Variants in DACH1 observed in about 807,000 individuals in gnomAD.
The protein encoded by DACH1 is dachshund family transcription factor 1.
DACH1 carries 12 observed loss-of-function variants against 54.2 expected under a neutral mutation model. The ratio of observed to expected loss-of-function variants is 0.22; its 90% CI spans 0.14 to 0.36. The LOEUF (loss-of-function observed/expected upper bound fraction) is 0.36, where lower values mean the gene tolerates loss of function less well. DACH1 is among the 10% of genes least tolerant of loss of function. DACH1 has a pLI of 1.00. For missense variants in DACH1, 805 were observed against 929.8 expected, an observed-to-expected ratio of 0.87 and a Z score of 1.75; for synonymous variants, 386 against 366.2, an observed-to-expected ratio of 1.05 and a Z score of -0.62.
chr13:71,714,354 A>C (rs1269081894), intron 1 of DACH1, among the ~76,000 whole-genome samples: 1 of 152,072 alleles, frequency 6.6e-6, no homozygotes, highest in East Asian at 1.9e-4. Context: ...AAAACAAAAC[A>C]AAACAGGACA....
chr13:71,801,068 GCA>G (rs1203082064), intron 1 of DACH1, among the ~76,000 whole-genome samples: 1 of 113,684 alleles, frequency 8.8e-6, no homozygotes, highest in East Asian at 4.7e-4. Flanking sequence ...TTACAGACAA[GCA>G]CACAGCAGTG....
chr13:71,731,459 A>G (rs1883743725), intron 1 of DACH1, among the ~76,000 whole-genome samples: 1 of 151,898 alleles, frequency 6.6e-6, no homozygotes, highest in South Asian at 2.1e-4. Flanking sequence ...AACGTTTTGT[A>G]TTTTTAATAG....
intron 3 of DACH1, among the ~76,000 whole-genome samples, chr13:71,613,534 T>C (rs952365135): frequency 5.3e-5 from 8 of 152,146 alleles, no homozygotes; most frequent in African/African-American, 1.9e-4. Flanking sequence ...GAAGTCTGGT[T>C]AAGGTTACTG....
At chr13:71,540,721 C>A (rs1387634317) in intron 6 of DACH1, among the ~76,000 whole-genome samples, 1 of 151,922 alleles carries the variant, frequency 6.6e-6, no homozygotes, top group Non-Finnish European at 1.5e-5. Flanking sequence ...ATTACAGCAA[C>A]CTGTAGGTTT....
chr13:71,629,493 A>G (rs1876920800), intron 3 of DACH1, among the ~76,000 whole-genome samples: 1 of 152,108 alleles, frequency 6.6e-6, no homozygotes, highest in Non-Finnish European at 1.5e-5. Context: ...TTTTGTCTAT[A>G]TATTTTACTC....
At chr13:71,531,572 T>C (rs1228914941) in intron 6 of DACH1, among the ~76,000 whole-genome samples, 1 of 151,632 alleles carries the variant, frequency 6.6e-6, no homozygotes, top group East Asian at 1.9e-4. Context: ...GCTTATCAAT[T>C]TTTTTTAATG....
chr13:71,745,370 A>G (rs1484178584), intron 1 of DACH1, among the ~76,000 whole-genome samples: 1 of 152,242 alleles, frequency 6.6e-6, no homozygotes, highest in Non-Finnish European at 1.5e-5. Flanking sequence ...TCCAAACTTT[A>G]GTATGCATGT....
chr13:71,570,869 A>G (rs1885152103), intron 4 of DACH1, among the ~76,000 whole-genome samples: 1 of 152,176 alleles, frequency 6.6e-6, no homozygotes, highest in Admixed American at 6.5e-5. Context: ...ACAACCAAGT[A>G]TGTATTAAAA....
At chr13:71,833,940 A>G (rs1888683848) in intron 1 of DACH1, among the ~76,000 whole-genome samples, 1 of 152,004 alleles carries the variant, frequency 6.6e-6, no homozygotes, top group Non-Finnish European at 1.5e-5. Flanking sequence ...CTAGGGTTGG[A>G]ACTAACTGAT....
intron 3 of DACH1, among the ~76,000 whole-genome samples, chr13:71,588,118 G>C (rs1193204579): frequency 6.6e-6 from 1 of 152,038 alleles, no homozygotes; most frequent in Non-Finnish European, 1.5e-5. Flanking sequence ...AAGCTACAAA[G>C]GTTTAGATGG....
chr13:71,794,585 G>A (rs1030637609), intron 1 of DACH1, among the ~76,000 whole-genome samples: 30 of 152,140 alleles, frequency 2.0e-4, no homozygotes, highest in African/African-American at 6.7e-4. Context: ...TTACAGGTGC[G>A]TGCCACCATG....
chr13:71,544,267 A>G (rs974738927), intron 6 of DACH1, among the ~76,000 whole-genome samples: 2 of 152,078 alleles, frequency 1.3e-5, no homozygotes, highest in Non-Finnish European at 2.9e-5. Flanking sequence ...AAACAAAGCC[A>G]TGAGACACAT....
chr13:71,718,629 T>A (rs1883095132), intron 1 of DACH1, among the ~76,000 whole-genome samples: 1 of 150,934 alleles, frequency 6.6e-6, no homozygotes, highest in East Asian at 2.0e-4. Flanking sequence ...CTCCCTTCAA[T>A]GTTCAGGTAG....
intron 6 of DACH1, among the ~76,000 whole-genome samples, chr13:71,537,487 T>C (rs1882882790): frequency 6.6e-6 from 1 of 152,120 alleles, no homozygotes; most frequent in East Asian, 1.9e-4. Context: ...TTGTTGATCA[T>C]CTTGCTTCCA....
chr13:71,614,985 T>C (rs1384209186), intron 3 of DACH1, among the ~76,000 whole-genome samples: 1 of 151,718 alleles, frequency 6.6e-6, no homozygotes, highest in East Asian at 1.9e-4. Flanking sequence ...AAGTAAGGTA[T>C]CTGTTTCTAA....
At chr13:71,722,257 C>A (rs1334983571) in intron 1 of DACH1, among the ~76,000 whole-genome samples, 2 of 152,144 alleles carry the variant, frequency 1.3e-5, no homozygotes, top group Non-Finnish European at 2.9e-5. Flanking sequence ...TCCATATTGA[C>A]ATTTGTTGAT....
At chr13:71,748,875 TTTCTTTC>T (rs773462980) in intron 1 of DACH1, among the ~76,000 whole-genome samples, 23 of 108,246 alleles carry the variant, frequency 2.1e-4, no homozygotes, top group Admixed American at 1.6e-3. Context: ...TCTTTCTTTC[TTTCTTTC>T]TTTCTTTCTT....
chr13:71,850,914 C>T (rs1873614310), intron 1 of DACH1, among the ~76,000 whole-genome samples: 1 of 152,176 alleles, frequency 6.6e-6, no homozygotes, highest in Admixed American at 6.5e-5. Flanking sequence ...ACAGTACAAC[C>T]TATCCTTATT....
At chr13:71,611,186 C>G (rs572192078) in intron 3 of DACH1, among the ~76,000 whole-genome samples, 129 of 152,194 alleles carry the variant, frequency 8.5e-4, no homozygotes, top group African/African-American at 2.9e-3. Flanking sequence ...AGAACACTGT[C>G]AAGTTCATGA....
Sources: gnomAD v4.1 joint callset for allele counts (sites outside exome capture counted in the v4.1 genomes callset) on GRCh38, gnomAD v4.1.1 for gene constraint, MANE v1.5 for transcripts, NCBI Gene and HGNC (gene_info 2026-07-23, HGNC 2026-07-21) for gene names.